Variants in QTRT1 observed in about 807,000 individuals in gnomAD.
The protein encoded by QTRT1 is queuine tRNA-ribosyltransferase catalytic subunit 1.
A neutral mutation model predicts 44.0 loss-of-function variants in QTRT1; 41 were observed. The ratio of observed to expected loss-of-function variants is 0.93; its 90% CI spans 0.73 to 1.21. The LOEUF (loss-of-function observed/expected upper bound fraction) is 1.21. QTRT1 is among the 50% of genes most tolerant of loss of function. The probability of loss-of-function intolerance (pLI) is 0.00; values close to 1 mark genes in which losing one functional copy is unlikely to be tolerated. For missense variants in QTRT1, 542 were observed against 575.8 expected, an observed-to-expected ratio of 0.94 and a Z score of 0.60; for synonymous variants, 226 against 237.1, an observed-to-expected ratio of 0.95 and a Z score of 0.43.
intron 3 of QTRT1, among the ~76,000 whole-genome samples, chr19:10,702,759 C>CTTTTTTT (rs34948949): frequency 2.9e-5 from 2 of 68,482 alleles, no homozygotes; most frequent in Non-Finnish European, 5.3e-5. Context: ...CAATATCCTT[C>CTTTTTTT]TTTTTTTTTT....
At position 10,712,672 on chromosome 19, in the gene QTRT1, G is replaced by T; in HGVS notation, c.861+44G>T. On this transcript the variant is annotated intron_variant, in intron 7 of 9. Coordinates refer to ENST00000250237, the MANE Select transcript of QTRT1 (RefSeq NM_031209.3). This position sits in a 1 kb window ranked among gnomAD's most constrained non-coding sequence, Gnocchi z 5.6. ...GAGGTCAGGGCGGGAGACGGGTGGG[G>T]GACTAGGGAGGCAAGGTTAGGGGTG... The T allele has an allele frequency of 8.8e-7, 1 of 1,132,970 alleles. No individual in the cohort carries two copies. The highest frequency in any genetic ancestry group is 1.2e-6 in the Non-Finnish European group (1 of 807,728). 70.2% of individuals were successfully genotyped at this position (1,132,970 alleles called of 1,614,324 possible).
chr19:10,710,284 T>C (rs2068732503), intron 5 of QTRT1, among the ~76,000 whole-genome samples: 1 of 152,174 alleles, frequency 6.6e-6, no homozygotes, highest in Non-Finnish European at 1.5e-5. Context: ...TTTATCCCAG[T>C]TGTTACAAGT....
intron 5 of QTRT1, chr19:10,711,809 G>T (rs1429689953): frequency 5.4e-6 from 2 of 372,266 alleles, no homozygotes; most frequent in African/African-American, 2.1e-5. Context: ...CTCACATCTG[G>T]AAAACTCTGA....
In QTRT1 at chr19:10,712,859, G is replaced by A. The variant is rs200166101; in HGVS notation, c.963G>A (p.Thr321=). 3.0e-5 allele frequency: 49 copies of A among 1,613,838 alleles called. No individual in the cohort carries two copies. The Admixed American group carries it at 4.3e-4, about 14-fold the overall frequency. ...TAGACCCGGAGTGCACCTGCCCCAC[G>A]TGCCAAAAGTAGGCAGGATGGCACT... The part of the protein sequence containing the change: ...GPIDPECTCP[T]CQKHSRAFLH... The change falls in exon 8 of 10, where the codon ACG becomes ACA. Residue 321 remains threonine, a synonymous_variant. Coordinates refer to ENST00000250237, the MANE Select transcript of QTRT1 (RefSeq NM_031209.3). This position sits in a 1 kb window ranked among gnomAD's most constrained non-coding sequence, Gnocchi z 5.6.
At chr19:10,711,205 TC>T (rs1299730352) in intron 5 of QTRT1, 3 of 152,588 alleles carry the variant, frequency 2.0e-5, no homozygotes, top group Admixed American at 1.3e-4. Flanking sequence ...GGAGTCTCGC[TC>T]TGTCGCCCAG....
In QTRT1 at chr19:10,702,194, T is replaced by C. The variant is rs751927754; in HGVS notation, c.391T>C (p.Tyr131His). Reference protein sequence around the residue: ...TEEGVRFRSPYDGNETLLSPE... With the variant: ...TEEGVRFRSPHDGNETLLSPE... ...GGAGGGCGTCCGCTTCCGCTCCCCC[T>C]ACGACGGCAATGAGACCCTGCTGAG... Residue 131 changes from tyrosine (Y) to histidine (H), a missense_variant, in exon 3 of 10, where the codon TAC (tyrosine) becomes CAC (histidine). By Grantham distance (83) the Tyr-to-His change is moderately conservative (BLOSUM62 2). Transcript: ENST00000250237. The C allele has an allele frequency of 6.2e-7, 1 of 1,614,060 alleles. No individual in the cohort carries two copies. The highest frequency in any genetic ancestry group is 8.5e-7 in the Non-Finnish European group (1 of 1,180,002).
chr19:10,710,340 G>A (rs2068732745), intron 5 of QTRT1, among the ~76,000 whole-genome samples: 1 of 151,822 alleles, frequency 6.6e-6, no homozygotes, highest in Non-Finnish European at 1.5e-5. Context: ...TTTTGAGATG[G>A]AGTTTTGCTC....
intron 5 of QTRT1, chr19:10,709,304 T>C (rs189983564): frequency 1.3e-5 from 2 of 152,172 alleles, no homozygotes; most frequent in African/African-American, 4.8e-5. Context: ...AAGTCTAAAA[T>C]CCAGAACATT....
rs750704961 is a variant in QTRT1, at chr19:10,712,790, C to A, written c.894C>A (p.Asn298Lys). 4.3e-6 allele frequency: 7 copies of A among 1,614,058 alleles called. No homozygotes were observed. The Admixed American group carries it at 1.2e-4, about 27-fold the overall frequency. ...RFGSALVPTGNLQLRKKVFEK... is the reference protein window; with the variant it reads ...RFGSALVPTGKLQLRKKVFEK... ...GCTCTGCCCTGGTGCCCACTGGGAA[C>A]CTGCAGTTGAGGAAGAAGGTGTTTG... The change falls in exon 8 of 10, where the codon AAC (asparagine) becomes AAA (lysine). Residue 298 changes from asparagine to lysine, a missense_variant. Transcript: ENST00000250237. The surrounding 1 kb of genome is among the most constrained non-coding windows in gnomAD (Gnocchi z 5.6).
rs768002841 is a variant in QTRT1 at position 10,712,548 on chromosome 19, C to T, written c.786-5C>T. The T allele has an allele frequency of 6.2e-7, 1 of 1,613,412 alleles. No homozygotes were observed. The highest frequency in any genetic ancestry group is 8.5e-7 in the Non-Finnish European group (1 of 1,179,428). On this transcript the variant is annotated splice_region_variant and splice_polypyrimidine_tract_variant and intron_variant, in intron 6 of 9. Coordinates refer to ENST00000250237, the MANE Select transcript of QTRT1 (RefSeq NM_031209.3). This position sits in a 1 kb window ranked among gnomAD's most constrained non-coding sequence, Gnocchi z 5.6. ...TGCCCCCTCCCGTCATGGCTGCAAC[C>T]CCAGCTATGCCACTGATCTGGTAGT...
chr19:10,711,996 T>C, intron 5 of QTRT1, 165 bp from the exon 6 acceptor site: 2 of 797,132 alleles, frequency 2.5e-6, no homozygotes, highest in Non-Finnish European at 4.1e-6. Flanking sequence ...CTCCTCTGTC[T>C]CCCTCTCCGT....
intron 3 of QTRT1, 90 bp from the exon 4 acceptor site, chr19:10,707,212 T>A: frequency 7.6e-7 from 1 of 1,314,904 alleles, no homozygotes; most frequent in Non-Finnish European, 1.1e-6. Flanking sequence ...GGGATGCTCT[T>A]GGGGAAGTCC....
chr19:10,701,960 T>A lies in QTRT1; in HGVS notation c.254T>A (p.Leu85Gln). The part of the protein sequence containing the change: ...YHLGLRPGPE[L>Q]IQKANGLHGF... ...CTTCCATCAACCCAGGGACCCGAGC[T>A]GATCCAGAAAGCCAACGGTCTCCAC... The change falls in exon 2 of 10, where the codon CTG becomes CAG. Residue 85 changes from leucine (L) to glutamine (Q), a missense_variant. By Grantham distance (113) the Leu-to-Gln change is moderately radical. Transcript: ENST00000250237. The A allele has an allele frequency of 6.2e-7, 1 of 1,614,194 alleles. No homozygotes were observed. Among genetic ancestry groups the A allele is most frequent in the Non-Finnish European group, 8.5e-7 (1 of 1,180,016 alleles).
At position 10,713,345 on chromosome 19, in the gene QTRT1, G is replaced by T; in HGVS notation, c.*75G>T. 1 of 1,545,722 alleles carries T rather than the reference G, an allele frequency of 6.5e-7. No homozygotes were observed. The highest frequency in any genetic ancestry group is 2.3e-5 in the East Asian group (1 of 44,428). ...GATACTGAAGGATTCCTTTTTGAAA[G>T]GTTTTTTTTATTGTAACTTACAGAG... On this transcript the variant is annotated 3_prime_UTR_variant, in exon 10 of 10. Transcript: ENST00000250237. This position sits in a 1 kb window ranked among gnomAD's most constrained non-coding sequence, Gnocchi z 4.3.
intron 3 of QTRT1, 96 bp downstream of exon 3, chr19:10,702,350 G>C (rs910562473): frequency 1.0e-5 from 14 of 1,393,892 alleles, no homozygotes; most frequent in Non-Finnish European, 1.2e-5. Flanking sequence ...GCTTTGAGCA[G>C]GTCACTCCTC....
chr19:10,709,075 T>C (rs904340764), intron 5 of QTRT1: 1 of 152,164 alleles, frequency 6.6e-6, no homozygotes, highest in African/African-American at 2.4e-5. Context: ...AACACCTGCG[T>C]TCTTGATGGC....
chr19:10,711,144 AGGCTATT>A lies in QTRT1; in HGVS notation c.647-1014_647-1008del, dbSNP rs1016432473. On this transcript the variant is annotated intron_variant, in intron 5 of 9. Transcript: ENST00000250237. ...TACAAATATTACAGTGTTTGATGAC[AGGCTATT>A]GGGTGTTTTGTTGTTGTTGTTGTTT... is the stretch of plus-strand genomic sequence containing the variant. 25 of 152,338 alleles carry A rather than the reference AGGCTATT, an allele frequency of 1.6e-4. 1 individual carries two copies. The highest frequency in any genetic ancestry group is 2.9e-5 in the Non-Finnish European group (2 of 68,202). 9.4% of individuals were successfully genotyped at this position (152,338 alleles called of 1,614,324 possible).
chr19:10,705,279 C>T (rs991918791), intron 3 of QTRT1, among the ~76,000 whole-genome samples: 2 of 151,362 alleles, frequency 1.3e-5, no homozygotes, highest in Middle Eastern at 6.8e-3. Context: ...CACTCTTTGA[C>T]CAAGGCTGGA....
At chr19:10,702,470 A>G (rs2068694689) in intron 3 of QTRT1, among the ~76,000 whole-genome samples, 1 of 152,148 alleles carries the variant, frequency 6.6e-6, no homozygotes, top group South Asian at 2.1e-4. Context: ...CATCCCAGCC[A>G]TGTAGTAGCT....
Sources: allele counts gnomAD v4.1 joint callset (sites outside exome capture counted in the v4.1 genomes callset), GRCh38; gene constraint gnomAD v4.1.1; non-coding constraint Gnocchi (gnomAD v3.1); transcripts MANE v1.5; gene names NCBI Gene and HGNC (gene_info 2026-07-23, HGNC 2026-07-21).